Variants in NIPSNAP1 observed in about 807,000 individuals in gnomAD.
NIPSNAP1 encodes nipsnap homolog 1, also known as protein NipSnap homolog 1.
In NIPSNAP1, 25 loss-of-function variants were observed where a neutral mutation model predicts 49.2. The observed-to-expected ratio is 0.51, with a 90% CI of 0.37 to 0.71. The LOEUF is 0.71. Ranked by LOEUF, NIPSNAP1 falls within the 30% of genes least tolerant of loss-of-function variation. NIPSNAP1 has a pLI of 0.00. For synonymous variants in NIPSNAP1, 143 were observed against 140.7 expected (o/e 1.02, Z -0.12); for missense variants, 294 against 361.0 (o/e 0.81, Z 1.50).
Position 29,569,275 on chromosome 22 carries a change from C to T in NIPSNAP1, c.285G>A (p.Leu95=). The T allele has an allele frequency of 2.5e-6, 4 of 1,613,904 alleles. No individual in the cohort carries two copies. The highest frequency in any genetic ancestry group is 3.4e-6 in the Non-Finnish European group (4 of 1,179,892). Residue 95 remains leucine (L), a synonymous_variant, in exon 4 of 10, where the codon CTG becomes CTA. Coordinates refer to ENST00000216121, the MANE Select transcript of NIPSNAP1 (RefSeq NM_003634.4). ...AGTCCTCATCCAGGTGAAGCTTGGG[C>T]AGCACAGCCTCCCTGTGGGGGAGGT... ...DAYNSLTEAV[L]PKLHLDEDYP... is the part of the protein sequence containing the mutation.
At chr22:29,579,862 C>A (rs1277017450) in intron 1 of NIPSNAP1, 1 of 348,376 alleles carries the variant, frequency 2.9e-6, no homozygotes, top group East Asian at 7.4e-5. Flanking sequence ...TCTGTTAGTG[C>A]CAGGCAAACT....
intron 1 of NIPSNAP1, among the ~76,000 whole-genome samples, chr22:29,574,303 GAAAAGA>G (rs948623577): frequency 9.2e-6 from 1 of 109,066 alleles, no homozygotes; most frequent in Non-Finnish European, 2.0e-5. Flanking sequence ...GAAAGAAAAA[GAAAAGA>G]AAATAAATTA....
chr22:29,569,347 G>T, intron 3 of NIPSNAP1, 60 bp from the exon 4 acceptor site: 2 of 1,292,224 alleles, frequency 1.5e-6, no homozygotes, highest in East Asian at 2.4e-5. Flanking sequence ...TCTGAGATAA[G>T]GGTTCAAACT....
rs573641508 is a variant in NIPSNAP1 at position 29,574,083 on chromosome 22, C to T, written c.99-3551G>A. On this transcript the variant is annotated intron_variant, in intron 1 of 9. Coordinates refer to ENST00000216121, the MANE Select transcript of NIPSNAP1 (RefSeq NM_003634.4). ...CTAGCCTGGGCAACATGGCAAAACC[C>T]CATTTCCACTTAAAAAAAGATACAA... 2.1e-4 allele frequency among the ~76,000 whole-genome samples: 32 copies of T among 151,120 alleles called. No individual in the cohort carries two copies. In the East Asian group the frequency reaches 5.9e-3, roughly 28 times the overall value.
intron 1 of NIPSNAP1, among the ~76,000 whole-genome samples, chr22:29,580,461 G>C (rs771016251): frequency 1.3e-5 from 2 of 152,180 alleles, no homozygotes; most frequent in African/African-American, 4.8e-5. Context: ...GTGCTGCCAC[G>C]GCACAGCAGG....
At position 29,570,177 on chromosome 22, in the gene NIPSNAP1, G is replaced by A; in HGVS notation, c.257C>T (p.Ala86Val). 2 of 1,613,940 alleles carry A rather than the reference G, an allele frequency of 1.2e-6. No homozygotes were observed. The highest frequency in any genetic ancestry group is 1.1e-5 in the South Asian group (1 of 91,082). Residue 86 changes from alanine (A) to valine (V), a missense_variant, in exon 3 of 10, where the codon GCC (alanine) becomes GTC (valine). Ala to Val is a moderately conservative substitution (Grantham distance 64). This residue lies in a region of NIPSNAP1 where 55 missense variants were observed against 46.2 expected (regional missense o/e 1.19). Transcript: ENST00000216121. ...FHNVKPEYLDAYNSLTEAVLP... is the reference protein window; with the variant it reads ...FHNVKPEYLDVYNSLTEAVLP... ...GGGTGCTCACGTGAGGCTGTTGTAGGCATCCAGGTATTCAGGCTTTACATT... is the reference window on the plus strand; with the variant it reads ...GGGTGCTCACGTGAGGCTGTTGTAGACATCCAGGTATTCAGGCTTTACATT...
At position 29,574,279 on chromosome 22, in the gene NIPSNAP1, A is replaced by AG. The variant is rs1357154291; in HGVS notation, c.99-3748_99-3747insC. ...ATCTTCACAAAAAAAAAAAAAAAAA[A>AG]AAAAAAAAAAAAAGAAAGAAAAAGA... On this transcript the variant is annotated intron_variant, in intron 1 of 9. Transcript: ENST00000216121. 9.7e-4 allele frequency among the ~76,000 whole-genome samples: 93 copies of AG among 95,622 alleles called. 7 individuals are homozygous for AG. The East Asian group carries it at 0.013, about 14-fold the overall frequency. The allele number at this position is 95,622 out of a possible 152,430, so 62.7% of individuals were successfully genotyped here.
At chr22:29,572,302 CAAAA>C (rs695769) in intron 1 of NIPSNAP1, among the ~76,000 whole-genome samples, 45 of 71,074 alleles carry the variant, frequency 6.3e-4, no homozygotes, top group Non-Finnish European at 1.0e-3. Flanking sequence ...GAATCCATCT[CAAAA>C]AAAAAAAAAA....
At chr22:29,573,295 A>T (rs1487208657) in intron 1 of NIPSNAP1, among the ~76,000 whole-genome samples, 1 of 152,052 alleles carries the variant, frequency 6.6e-6, no homozygotes, top group Non-Finnish European at 1.5e-5. Flanking sequence ...TCGGCCTCTC[A>T]AAGTGCTAGG....
intron 9 of NIPSNAP1, among the ~76,000 whole-genome samples, chr22:29,557,057 T>C (rs1052857538): frequency 6.6e-6 from 1 of 152,120 alleles, no homozygotes; most frequent in Non-Finnish European, 1.5e-5. Flanking sequence ...CCGAGATTTG[T>C]CATTCTTAAC....
At chr22:29,567,287 GC>G (rs1252685102) in intron 4 of NIPSNAP1, among the ~76,000 whole-genome samples, 12 of 152,118 alleles carry the variant, frequency 7.9e-5, no homozygotes, top group Non-Finnish European at 1.5e-5. Context: ...TGTCTATTAG[GC>G]TGGGATGGGG....
At chr22:29,571,968 C>A (rs1432437382) in intron 1 of NIPSNAP1, among the ~76,000 whole-genome samples, 1 of 151,962 alleles carries the variant, frequency 6.6e-6, no homozygotes, top group Non-Finnish European at 1.5e-5. Flanking sequence ...AATACAAATA[C>A]TCGGCTGCCC....
chr22:29,570,421 G>C lies in NIPSNAP1; in HGVS notation c.210C>G (p.Asn70Lys), dbSNP rs760972117. The C allele has an allele frequency of 6.2e-7, 1 of 1,614,120 alleles. No individual in the cohort carries two copies. Among genetic ancestry groups the C allele is most frequent in the Non-Finnish European group, 8.5e-7 (1 of 1,180,034 alleles). Residue 70 changes from asparagine (N) to lysine (K), a missense_variant, in exon 2 of 10, where the codon AAC (asparagine) becomes AAG (lysine). Transcript: ENST00000216121. ...GCCACTCACACTGGATCTTATAGAG[G>C]TTGCTGGTTTCCTTCTTGGACAGCA... Reference protein sequence around the residue: ...STLLSKKETSNLYKIQFHNVK... With the variant: ...STLLSKKETSKLYKIQFHNVK...
intron 4 of NIPSNAP1, among the ~76,000 whole-genome samples, chr22:29,562,969 G>C (rs182820011): frequency 1.3e-4 from 19 of 151,414 alleles, no homozygotes; most frequent in African/African-American, 4.1e-4. Context: ...CGTGGTGGCG[G>C]GCACCTATAG....
At chr22:29,579,944 C>T (rs1421522634) in intron 1 of NIPSNAP1, 2 of 555,340 alleles carry the variant, frequency 3.6e-6, no homozygotes, top group Non-Finnish European at 6.0e-6. Flanking sequence ...TATGCCACTC[C>T]TCTTTCCCAG....
chr22:29,579,952 C>T, intron 1 of NIPSNAP1: 1 of 609,874 alleles, frequency 1.6e-6, no homozygotes, highest in Non-Finnish European at 2.6e-6. Context: ...TCCTCTTTCC[C>T]AGCTGTCCAA....
intron 4 of NIPSNAP1, among the ~76,000 whole-genome samples, chr22:29,565,988 G>T (rs1398185701): frequency 6.6e-6 from 1 of 152,160 alleles, no homozygotes; most frequent in Non-Finnish European, 1.5e-5. Context: ...ATGGCTAGGA[G>T]TGTTCAAGGG....
At chr22:29,563,877 C>A (rs1256176309) in intron 4 of NIPSNAP1, among the ~76,000 whole-genome samples, 1 of 152,114 alleles carries the variant, frequency 6.6e-6, no homozygotes, top group African/African-American at 2.4e-5. Context: ...CTGGAAGAGG[C>A]AAGGAAGGGT....
chr22:29,556,020 G>A, intron 9 of NIPSNAP1, 21 bp from the exon 10 acceptor site: 1 of 1,539,698 alleles, frequency 6.5e-7, no homozygotes, highest in South Asian at 1.2e-5. Flanking sequence ...AGAAGGCAGA[G>A]GTCACACAGG....
Sources: gnomAD v4.1 joint callset for allele counts (sites outside exome capture counted in the v4.1 genomes callset) on GRCh38, gnomAD v4.1.1 for gene constraint, gnomAD v4.1.1 regional missense constraint, MANE v1.5 for transcripts, NCBI Gene and HGNC (gene_info 2026-07-23, HGNC 2026-07-21) for gene names.